Variants in CDKN2A observed in about 807,000 individuals in gnomAD.
CDKN2A encodes the protein cyclin-dependent kinase inhibitor 2A.
In CDKN2A, 3 loss-of-function variants were observed where a neutral mutation model predicts 11.1. The ratio of observed to expected loss-of-function variants is 0.27; its 90% CI spans 0.12 to 0.70. The LOEUF (loss-of-function observed/expected upper bound fraction) is 0.70, where lower values mean the gene tolerates loss of function less well. Among genes scored for constraint, CDKN2A ranks in the 30% least tolerant of loss-of-function variants. The probability of loss-of-function intolerance (pLI) is 0.77; values close to 1 mark genes in which losing one functional copy is unlikely to be tolerated. For synonymous variants in CDKN2A, 122 were observed against 108.1 expected, an observed-to-expected ratio of 1.13 and a Z score of -0.80; for missense variants, 265 against 233.6, an observed-to-expected ratio of 1.13 and a Z score of -0.88.
chr9:21,985,616 C>T (rs1292566160), intron 2 of CDKN2A, among the ~76,000 whole-genome samples: 1 of 151,892 alleles, frequency 6.6e-6, no homozygotes, highest in South Asian at 2.1e-4. Context: ...GATAGATAGA[C>T]TAATAACTTT....
At chr9:21,987,430 CACAGAGAGAGAGAGAG>C (rs1303602976) in intron 2 of CDKN2A, among the ~76,000 whole-genome samples, 34 of 121,302 alleles carry the variant, frequency 2.8e-4, no homozygotes, top group Admixed American at 1.3e-3. Flanking sequence ...CACACACACA[CACAGAGAGAGAGAGAG>C]AGAGAGAGAG....
In CDKN2A at chr9:21,968,858, G is replaced by A. The variant is rs548865567; in HGVS notation, c.458-616C>T. On this transcript the variant is annotated intron_variant, in intron 2 of 2. Coordinates refer to ENST00000304494, the MANE Select transcript of CDKN2A (RefSeq NM_000077.5). The surrounding 1 kb of genome is among the most constrained non-coding windows in gnomAD (Gnocchi z 4.7). ...CGTTGCGTATGGGCTCCAGCTCGCC[G>A]TTCGGTTCTCCCGAGGCAGCATTTA... 7.4e-7 allele frequency: 1 copy of A among 1,343,902 alleles called. No individual in the cohort carries two copies. The highest frequency in any genetic ancestry group is 2.5e-5 in the East Asian group (1 of 40,006). The allele number at this position is 1,343,902 out of a possible 1,614,324, so 83.2% of individuals were successfully genotyped here.
Position 21,967,947 on chromosome 9 carries a change from T to G in CDKN2A, c.*282A>C, listed in dbSNP as rs1819490190. On this transcript the variant is annotated 3_prime_UTR_variant, in exon 3 of 3. Transcript: ENST00000304494. ...CATGAATGTGCGCTTAGGGCGTGAG[T>G]GCTCACTCCAGAAAACTCCAACACA... 6 of 455,876 alleles carry G rather than the reference T, an allele frequency of 1.3e-5. No individual in the cohort carries two copies. The South Asian group carries it at 1.6e-4, about 12-fold the overall frequency. 28.2% of individuals were successfully genotyped at this position (455,876 alleles called of 1,614,324 possible). A position where few individuals can be genotyped will look rare whatever the true frequency, so the allele number is the denominator to read the frequency against.
At chr9:21,994,416 T>C in intron 1 of CDKN2A, 1 of 1,604,030 alleles carries the variant, frequency 6.2e-7, no homozygotes, top group Non-Finnish European at 8.5e-7. Context: ...CCTGCCCCCT[T>C]AACTGCAGAC....
upstream of CDKN2A, among the ~76,000 whole-genome samples, chr9:21,978,844 C>G (rs1432206708): frequency 6.6e-6 from 1 of 152,212 alleles, no homozygotes; most frequent in Non-Finnish European, 1.5e-5. Flanking sequence ...CAAACCTCAA[C>G]TGTTCCACTT....
At chr9:21,982,227 C>G (rs1461299371) in intron 2 of CDKN2A, among the ~76,000 whole-genome samples, 2 of 152,128 alleles carry the variant, frequency 1.3e-5, no homozygotes, top group Non-Finnish European at 2.9e-5. Flanking sequence ...AATTTTCAAC[C>G]TTAGTTTCCA....
intron 2 of CDKN2A, among the ~76,000 whole-genome samples, chr9:21,982,547 G>A (rs1046073929): frequency 1.3e-5 from 2 of 151,928 alleles, no homozygotes; most frequent in African/African-American, 4.8e-5. Context: ...TTGATCAGCT[G>A]AGAACACTAA....
At position 21,991,852 on chromosome 9, in the gene CDKN2A, G is replaced by C. The variant is rs72547295; in HGVS notation, c.-4+2030C>G. The C allele has an allele frequency of 1.0e-6, 1 of 985,126 alleles. No individual in the cohort carries two copies. Among genetic ancestry groups the C allele is most frequent in the East Asian group, 1.1e-4 (1 of 8,816 alleles). 61.0% of individuals were successfully genotyped at this position (985,126 alleles called of 1,614,324 possible). A position where few individuals can be genotyped will look rare whatever the true frequency, so the allele number is the denominator to read the frequency against. On this transcript the variant is annotated intron_variant, in intron 2 of 3. Transcript: ENST00000494262. This position sits in a 1 kb window ranked among gnomAD's most constrained non-coding sequence, Gnocchi z 5.2. ...ACAAACTGTGAATCATGTACACATG[G>C]GGAATAATGGTTTATACTAACTGCA...
chr9:21,979,234 G>C (rs1388345563), upstream of CDKN2A, among the ~76,000 whole-genome samples: 2 of 152,200 alleles, frequency 1.3e-5, no homozygotes, highest in Non-Finnish European at 2.9e-5. Context: ...CTGAAAACCA[G>C]CCTGTGAAGG....
At position 21,974,666 on chromosome 9, in the gene CDKN2A, C is replaced by T. The variant is rs1057520264; in HGVS notation, c.150+12G>A. On this transcript the variant is annotated intron_variant, in intron 1 of 2. Coordinates refer to ENST00000304494, the MANE Select transcript of CDKN2A (RefSeq NM_000077.5). This position sits in a 1 kb window ranked among gnomAD's most constrained non-coding sequence, Gnocchi z 5.2. ...CGCCATCCCCTGCTCCCGCTGCAGACCCTCTACCCACCTGGATCGGCCTCC... is the reference window on the plus strand; with the variant it reads ...CGCCATCCCCTGCTCCCGCTGCAGATCCTCTACCCACCTGGATCGGCCTCC... The T allele has an allele frequency of 1.2e-6, 2 of 1,614,170 alleles. No homozygotes were observed. Among genetic ancestry groups the T allele is most frequent in the Non-Finnish European group, 1.7e-6 (2 of 1,180,034 alleles).
chr9:21,971,403 T>A, intron 1 of CDKN2A, 195 bp from the exon 2 acceptor site: 1 of 1,445,280 alleles, frequency 6.9e-7, no homozygotes, highest in South Asian at 1.5e-5. Flanking sequence ...TGAATTCCAT[T>A]ATATCCTCCG....
intron 1 of CDKN2A, chr9:21,994,442 G>C (rs2131149628): frequency 6.4e-7 from 1 of 1,553,584 alleles, no homozygotes; most frequent in Non-Finnish European, 8.6e-7. Context: ...CCCACGCACC[G>C]CCCCCTGCCC....
chr9:21,972,379 C>A (rs1298775686), intron 1 of CDKN2A, among the ~76,000 whole-genome samples: 2 of 152,088 alleles, frequency 1.3e-5, no homozygotes, highest in Non-Finnish European at 2.9e-5. Context: ...GTGGGCCCAA[C>A]ATAACCCCAA....
chr9:21,969,785 T>A (rs1308659783), intron 2 of CDKN2A: 1 of 395,870 alleles, frequency 2.5e-6, no homozygotes, highest in Non-Finnish European at 4.4e-6. Context: ...ACCTGGATGC[T>A]AGCTGTAACT....
upstream of CDKN2A, among the ~76,000 whole-genome samples, chr9:21,976,756 A>G (rs1435487425): frequency 6.6e-6 from 1 of 152,132 alleles, no homozygotes; most frequent in Admixed American, 6.6e-5. Flanking sequence ...AAAGACCAAG[A>G]AGAACTTACT....
Position 21,981,026 on chromosome 9 carries a change from ATATATATATACGTG to A in CDKN2A, c.-3-9832_-3-9819del, listed in dbSNP as rs1295554276. 4.4e-4 allele frequency among the ~76,000 whole-genome samples: 35 copies of A among 78,724 alleles called. 17 individuals are homozygous for A. In the East Asian group the frequency reaches 0.023, roughly 52 times the overall value. 51.6% of individuals were successfully genotyped at this position (78,724 alleles called of 152,430 possible). A position where few individuals can be genotyped will look rare whatever the true frequency, so the allele number is the denominator to read the frequency against. ...TACGTGTATATATATATATACGTGTATATATATATACGTGTATATATATATATACGTGTATATAT... is the reference window on the plus strand; with the variant it reads ...TACGTGTATATATATATATACGTGTATATATATATATATACGTGTATATAT... On this transcript the variant is annotated intron_variant, in intron 2 of 3. Transcript: ENST00000494262.
chr9:21,968,039 A>C lies in CDKN2A; in HGVS notation c.*190T>G. 1 of 610,488 alleles carries C rather than the reference A, an allele frequency of 1.6e-6. No homozygotes were observed. Among genetic ancestry groups the C allele is most frequent in the East Asian group, 2.8e-5 (1 of 36,230 alleles). The allele number at this position is 610,488 out of a possible 1,614,324, so 37.8% of individuals were successfully genotyped here. A position where few individuals can be genotyped will look rare whatever the true frequency, so the allele number is the denominator to read the frequency against. Reference sequence around the variant, plus strand: ...TAAGAATATATAAAAAATGATATAAATGGACATTTACGGTAGTGGGGGAAG... The same window carrying C: ...TAAGAATATATAAAAAATGATATAACTGGACATTTACGGTAGTGGGGGAAG... On this transcript the variant is annotated 3_prime_UTR_variant, in exon 3 of 3. Transcript: ENST00000304494. The surrounding 1 kb of genome is among the most constrained non-coding windows in gnomAD (Gnocchi z 4.7).
chr9:21,994,610 A>T (rs1563903506), intron 1 of CDKN2A: 2 of 579,654 alleles, frequency 3.5e-6, no homozygotes, highest in Admixed American at 4.4e-5. Context: ...AGGCGCCCGT[A>T]GGGAGGCGCG....
intron 2 of CDKN2A, chr9:21,969,809 G>A (rs538091777): frequency 2.9e-4 from 115 of 395,920 alleles, no homozygotes; most frequent in Middle Eastern, 6.2e-4. Flanking sequence ...GGGAATTGGC[G>A]GGGGGGAGGG....
Sources: gnomAD v4.1 joint callset for allele counts (sites outside exome capture counted in the v4.1 genomes callset) on GRCh38, gnomAD v4.1.1 for gene constraint, Gnocchi (gnomAD v3.1) non-coding constraint, MANE v1.5 for transcripts, NCBI Gene and HGNC (gene_info 2026-07-23, HGNC 2026-07-21) for gene names.